The following RARA variants were observed in gnomAD, a reference collection of about 807,000 sequenced individuals.
RARA encodes the protein retinoic acid receptor alpha, also known as PML-DDX5-RARA fusion.
RARA carries 5 observed loss-of-function variants against 42.8 expected under a neutral mutation model. The observed-to-expected ratio is 0.12, with a 90% CI of 0.06 to 0.25. RARA has a LOEUF of 0.25. RARA is among the 10% of genes least tolerant of loss of function. The pLI, the probability that RARA is intolerant of heterozygous loss-of-function variation, is 1.00. For missense variants in RARA, 402 were observed against 628.7 expected, an observed-to-expected ratio of 0.64 and a Z score of 3.86; for synonymous variants, 256 against 259.5, an observed-to-expected ratio of 0.99 and a Z score of 0.13.
intron 1 of RARA, among the ~76,000 whole-genome samples, chr17:40,312,823 C>G (rs1303363447): frequency 6.6e-6 from 1 of 152,182 alleles, no homozygotes; most frequent in African/African-American, 2.4e-5. Flanking sequence ...CTAGAGAGAA[C>G]ACTCAATCAG....
chr17:40,342,606 C>A (rs1175864268), intron 2 of RARA: 2 of 1,462,278 alleles, frequency 1.4e-6, no homozygotes, highest in Non-Finnish European at 1.8e-6. Context: ...GGGACGTCTC[C>A]TCTCCCCCAG....
intron 1 of RARA, among the ~76,000 whole-genome samples, chr17:40,324,783 C>T (rs1419645154): frequency 6.6e-6 from 1 of 152,182 alleles, no homozygotes; most frequent in East Asian, 1.9e-4. Flanking sequence ...TCCCCTAACT[C>T]CCAAGAGGAC....
intron 1 of RARA, among the ~76,000 whole-genome samples, chr17:40,311,455 T>A (rs750393863): frequency 1.3e-5 from 2 of 152,152 alleles, no homozygotes; most frequent in Non-Finnish European, 2.9e-5. Flanking sequence ...TCACTGACTC[T>A]GACAAGGAGG....
In RARA at chr17:40,356,549, C is replaced by G; in HGVS notation, c.*323C>G. The G allele has an allele frequency of 1.7e-6, 1 of 604,852 alleles. No individual in the cohort carries two copies. Among genetic ancestry groups the G allele is most frequent in the Non-Finnish European group, 3.1e-6 (1 of 321,818 alleles). The allele number at this position is 604,852 out of a possible 1,614,324, so 37.5% of individuals were successfully genotyped here. On this transcript the variant is annotated 3_prime_UTR_variant, in exon 9 of 9. Transcript: ENST00000254066. ...CACCCCTCTGCCCAGCTCACCACAT[C>G]TTCATCACCAGCAAACGCCAGGACT... is the stretch of plus-strand genomic sequence containing the variant.
Position 40,326,977 on chromosome 17 carries a change from G to A in RARA, c.-362-3880G>A, listed in dbSNP as rs1208677208. On this transcript the variant is annotated intron_variant, in intron 1 of 8. Transcript: ENST00000254066. The surrounding 1 kb of genome is among the most constrained non-coding windows in gnomAD (Gnocchi z 5.2). ...TTTCTGTGACCTTTAGCCCTCCTGC[G>A]GCTCAAGGCCCTCCCCAGGGAGCTG... Among the ~76,000 whole-genome samples the A allele has an allele frequency of 2.0e-5, 3 of 152,144 alleles. No homozygotes were observed. Among genetic ancestry groups the A allele is most frequent in the African/African-American group, 2.4e-5 (1 of 41,426 alleles).
chr17:40,357,508 C>T lies in RARA; in HGVS notation c.*1282C>T. On this transcript the variant is annotated 3_prime_UTR_variant, in exon 9 of 9. Coordinates refer to ENST00000254066, the MANE Select transcript of RARA (RefSeq NM_000964.4). The stretch of plus-strand genomic sequence containing the variant: ...TCTCCCCTCACCCCTGCACCCCCAG[C>T]TGGGGGAGCTGGCTCTGCCCCGACC... The T allele has an allele frequency of 4.3e-6, 1 of 232,518 alleles. No individual in the cohort carries two copies. Among genetic ancestry groups the T allele is most frequent in the East Asian group, 6.1e-5 (1 of 16,498 alleles). The allele number at this position is 232,518 out of a possible 1,614,324, so 14.4% of individuals were successfully genotyped here. A position where few individuals can be genotyped will look rare whatever the true frequency, so the allele number is the denominator to read the frequency against.
At chr17:40,336,877 G>C (rs1267042760) in intron 2 of RARA, among the ~76,000 whole-genome samples, 1 of 150,730 alleles carries the variant, frequency 6.6e-6, no homozygotes, top group Non-Finnish European at 1.5e-5. Context: ...TGTATTTTTA[G>C]TAGAGGTGGG....
Position 40,331,433 on chromosome 17 carries a change from T to C in RARA, c.178+37T>C, listed in dbSNP as rs1322704826. On this transcript the variant is annotated intron_variant, in intron 2 of 8. Transcript: ENST00000254066. ...TGTGGGGGCTGGGGTGGGAAGGGAC[T>C]GTGGAGGGTGGCAGGCCTCAGAGCT... 7 of 1,592,060 alleles carry C rather than the reference T, an allele frequency of 4.4e-6. No individual in the cohort carries two copies. The East Asian group carries it at 1.4e-4, about 31-fold the overall frequency.
At position 40,352,048 on chromosome 17, in the gene RARA, G is replaced by A. The variant is rs2143498879; in HGVS notation, c.608G>A (p.Cys203Tyr). 1 of 1,577,952 alleles carries A rather than the reference G, an allele frequency of 6.3e-7. No individual in the cohort carries two copies. Among genetic ancestry groups the A allele is most frequent in the Non-Finnish European group, 8.6e-7 (1 of 1,169,106 alleles). The change falls in exon 5 of 9, where the codon TGC becomes TAC. Residue 203 changes from cysteine to tyrosine, a missense_variant. Coordinates refer to ENST00000254066, the MANE Select transcript of RARA (RefSeq NM_000964.4). The surrounding 1 kb of genome is among the most constrained non-coding windows in gnomAD (Gnocchi z 4.9). Reference sequence around the variant, plus strand: ...CACCAGGAAACCTTCCCTGCCCTCTGCCAGCTGGGCAAATACACTACGGTA... The same window carrying A: ...CACCAGGAAACCTTCCCTGCCCTCTACCAGCTGGGCAAATACACTACGGTA... ...KAHQETFPAL[C>Y]QLGKYTTNNS...
At chr17:40,331,651 G>A (rs1332024764) in intron 2 of RARA, among the ~76,000 whole-genome samples, 1 of 152,178 alleles carries the variant, frequency 6.6e-6, no homozygotes, top group East Asian at 1.9e-4. Flanking sequence ...GGCCTGCAGT[G>A]GCCCTCGCAC....
In RARA at chr17:40,356,619, G is replaced by C; in HGVS notation, c.*393G>C. ...ACTCACAAGCCATTGCTCCCCAGCT[G>C]GGGAACCTCAACCTCCCCCCTGCCT... On this transcript the variant is annotated 3_prime_UTR_variant, in exon 9 of 9. Transcript: ENST00000254066. The C allele has an allele frequency of 1.8e-6, 1 of 549,772 alleles. No individual in the cohort carries two copies. The highest frequency in any genetic ancestry group is 3.5e-6 in the Non-Finnish European group (1 of 286,692). The allele number at this position is 549,772 out of a possible 1,614,324, so 34.1% of individuals were successfully genotyped here. A position where few individuals can be genotyped will look rare whatever the true frequency, so the allele number is the denominator to read the frequency against.
chr17:40,315,159 T>TAAAC (rs1172471420), intron 1 of RARA, among the ~76,000 whole-genome samples: 1 of 124,922 alleles, frequency 8.0e-6, no homozygotes, highest in African/African-American at 3.8e-5. Context: ...TATATATATA[T>TAAAC]ATATATATAT....
rs760687263 is a variant in RARA, at chr17:40,355,998, C to T, written c.1172-11C>T. Reference sequence around the variant, plus strand: ...CCAGCGTGCTGACCTCTGCCCCCTCCTTTCCTGCAGGGGCTGAGCGGGTGA... The same window carrying T: ...CCAGCGTGCTGACCTCTGCCCCCTCTTTTCCTGCAGGGGCTGAGCGGGTGA... On this transcript the variant is annotated splice_polypyrimidine_tract_variant and intron_variant, in intron 8 of 8. Transcript: ENST00000254066. This position sits in a 1 kb window ranked among gnomAD's most constrained non-coding sequence, Gnocchi z 4.1. The T allele has an allele frequency of 6.3e-7, 1 of 1,589,818 alleles. No individual in the cohort carries two copies. The highest frequency in any genetic ancestry group is 8.6e-7 in the Non-Finnish European group (1 of 1,169,208).
chr17:40,341,555 C>T, intron 2 of RARA: 1 of 1,399,624 alleles, frequency 7.1e-7, no homozygotes. Flanking sequence ...TTCGGCCGGG[C>T]AGGGGGCTGG....
rs564192358 is a variant in RARA at position 40,314,951 on chromosome 17, G to C, written c.-363+5665G>C. On this transcript the variant is annotated intron_variant, in intron 1 of 8. Coordinates refer to ENST00000254066, the MANE Select transcript of RARA (RefSeq NM_000964.4). ...ATGTCCTGGCCCCACCCATAAACCT[G>C]CAGAGCCAGGCAAGGATGGCGCTTC... Among the ~76,000 whole-genome samples the C allele has an allele frequency of 2.0e-5, 3 of 151,902 alleles. No homozygotes were observed. The South Asian group carries it at 6.2e-4, about 32-fold the overall frequency.
chr17:40,315,606 A>G (rs1315754195), intron 1 of RARA, among the ~76,000 whole-genome samples: 3 of 152,032 alleles, frequency 2.0e-5, no homozygotes, highest in African/African-American at 4.8e-5. Flanking sequence ...TGGAGGGCCA[A>G]TTGCTTCTCA....
chr17:40,353,614 A>G (rs1311235331), intron 6 of RARA, among the ~76,000 whole-genome samples: 1 of 151,752 alleles, frequency 6.6e-6, no homozygotes, highest in Non-Finnish European at 1.5e-5. Context: ...CCGCCACCAC[A>G]CCCGGCTAAT....
rs150660724 is a variant in RARA at position 40,331,666 on chromosome 17, C to A, written c.178+270C>A. The stretch of plus-strand genomic sequence containing the variant: ...GGCCTGCAGTGGCCCTCGCACCCCT[C>A]TTCTGTGCTCTGCTGTTGGGGCCTT... On this transcript the variant is annotated intron_variant, in intron 2 of 8. Transcript: ENST00000254066. 3.3e-5 allele frequency among the ~76,000 whole-genome samples: 5 copies of A among 152,312 alleles called. No homozygotes were observed. In the East Asian group the frequency reaches 9.6e-4, roughly 29 times the overall value.
chr17:40,346,533 G>A (rs1401013986), intron 2 of RARA, among the ~76,000 whole-genome samples: 4 of 150,176 alleles, frequency 2.7e-5, no homozygotes, highest in Non-Finnish European at 5.9e-5. Context: ...CACCAGTCTG[G>A]ATTGTCTATT....
Sources: allele counts gnomAD v4.1 joint callset (sites outside exome capture counted in the v4.1 genomes callset), GRCh38; gene constraint gnomAD v4.1.1; non-coding constraint Gnocchi (gnomAD v3.1); transcripts MANE v1.5; gene names NCBI Gene and HGNC (gene_info 2026-07-23, HGNC 2026-07-21).